VWC2L: variants seen among roughly 807,000 people sequenced by gnomAD.
VWC2L encodes the protein von Willebrand factor C domain containing 2 like.
Under a neutral mutation model 21.6 loss-of-function variants are expected in VWC2L, and 10 were observed. That is an observed-to-expected ratio of 0.46 (90% confidence interval 0.29 to 0.78). The LOEUF (loss-of-function observed/expected upper bound fraction) is 0.78, where lower values mean the gene tolerates loss of function less well. Among genes scored for constraint, VWC2L ranks in the 30% least tolerant of loss-of-function variants. The pLI is 0.10. For missense variants in VWC2L, 209 were observed against 277.1 expected (o/e 0.75, Z 1.74); for synonymous variants, 96 against 94.3 (o/e 1.02, Z -0.10).
At chr2:214,449,723 C>A (rs959976632) in intron 3 of VWC2L, among the ~76,000 whole-genome samples, 3 of 152,088 alleles carry the variant, frequency 2.0e-5, no homozygotes, top group Admixed American at 1.3e-4. Context: ...TGGTTGGATA[C>A]CCCTCAATTG....
Position 214,576,185 on chromosome 2 carries a change from G to A in VWC2L, c.*365G>A, listed in dbSNP as rs1057019468. On this transcript the variant is annotated 3_prime_UTR_variant, in exon 4 of 4. Transcript: ENST00000312504. ...TGGTTTACTTCATTTTTACTCTTCT[G>A]TACATTGTACATGGCATTGTTCTCC... The A allele has an allele frequency of 2.6e-5, 4 of 156,468 alleles. No homozygotes were observed. The highest frequency in any genetic ancestry group is 9.6e-5 in the African/African-American group (4 of 41,510). 9.7% of individuals were successfully genotyped at this position (156,468 alleles called of 1,614,324 possible).
chr2:214,527,650 TGAGCTGGTAA>T (rs1689364226), intron 3 of VWC2L, among the ~76,000 whole-genome samples: 1 of 152,178 alleles, frequency 6.6e-6, no homozygotes, highest in Admixed American at 6.5e-5. Context: ...TCTTACCATC[TGAGCTGGTAA>T]GAGATGGTAA....
At chr2:214,434,605 T>C (rs1169458538) in intron 2 of VWC2L, among the ~76,000 whole-genome samples, 2 of 152,102 alleles carry the variant, frequency 1.3e-5, no homozygotes, top group Non-Finnish European at 2.9e-5. Flanking sequence ...ATTAAACCTT[T>C]CTCAGCCCAT....
At chr2:214,419,273 C>G (rs572899981) in intron 2 of VWC2L, among the ~76,000 whole-genome samples, 1 of 152,226 alleles carries the variant, frequency 6.6e-6, no homozygotes, top group South Asian at 2.1e-4. Context: ...CAATATGACA[C>G]TGGAACCTAC....
intron 2 of VWC2L, among the ~76,000 whole-genome samples, chr2:214,424,205 T>C (rs1447290394): frequency 6.6e-6 from 1 of 152,174 alleles, no homozygotes; most frequent in African/African-American, 2.4e-5. Flanking sequence ...TAATTCAGCC[T>C]TTTCTAGATT....
At chr2:214,431,895 C>G (rs946330297) in intron 2 of VWC2L, among the ~76,000 whole-genome samples, 1 of 152,102 alleles carries the variant, frequency 6.6e-6, no homozygotes, top group Admixed American at 6.5e-5. Flanking sequence ...GCTAGATAAC[C>G]TAGTCAATGG....
chr2:214,472,226 C>G (rs1411407495), intron 3 of VWC2L: 1 of 152,110 alleles, frequency 6.6e-6, no homozygotes, highest in Non-Finnish European at 1.5e-5. Flanking sequence ...GATACACAGC[C>G]AGGCTGAAGC....
chr2:214,566,355 C>G (rs565801224), intron 3 of VWC2L, among the ~76,000 whole-genome samples: 14 of 152,198 alleles, frequency 9.2e-5, no homozygotes, highest in Admixed American at 3.3e-4. Flanking sequence ...GCAGCTTGAC[C>G]ACGTCCTTCC....
chr2:214,553,300 ACAC>A (rs1689823517), intron 3 of VWC2L, among the ~76,000 whole-genome samples: 1 of 152,244 alleles, frequency 6.6e-6, no homozygotes, highest in Non-Finnish European at 1.5e-5. Context: ...ATGGCCTATG[ACAC>A]AGCCCCAGGG....
At chr2:214,491,778 C>T (rs1322348128) in intron 3 of VWC2L, among the ~76,000 whole-genome samples, 1 of 152,072 alleles carries the variant, frequency 6.6e-6, no homozygotes, top group African/African-American at 2.4e-5. Context: ...GGTCAAGTTA[C>T]TTAACCTCCT....
intron 3 of VWC2L, among the ~76,000 whole-genome samples, chr2:214,474,238 A>C (rs976671693): frequency 1.3e-5 from 2 of 152,192 alleles, no homozygotes; most frequent in Non-Finnish European, 2.9e-5. Flanking sequence ...AGTCTATGTC[A>C]CACATAAAAG....
intron 3 of VWC2L, among the ~76,000 whole-genome samples, chr2:214,461,844 A>C (rs1703147220): frequency 2.6e-5 from 4 of 152,198 alleles, no homozygotes; most frequent in Admixed American, 2.6e-4. Flanking sequence ...GGACAGTCGC[A>C]GTGGCTCAGC....
chr2:214,519,107 G>C (rs1382285218), intron 3 of VWC2L, among the ~76,000 whole-genome samples: 1 of 152,184 alleles, frequency 6.6e-6, no homozygotes, highest in Non-Finnish European at 1.5e-5. Flanking sequence ...AAGACATGCT[G>C]CTTTAGTCAT....
At chr2:214,427,158 TACTTC>T (rs1702536340) in intron 2 of VWC2L, among the ~76,000 whole-genome samples, 2 of 152,338 alleles carry the variant, frequency 1.3e-5, no homozygotes, top group African/African-American at 4.8e-5. Flanking sequence ...CACTCTCTAA[TACTTC>T]ACTTATTTTC....
intron 2 of VWC2L, among the ~76,000 whole-genome samples, chr2:214,426,278 A>G (rs1292344129): frequency 1.3e-5 from 2 of 152,044 alleles, no homozygotes; most frequent in Admixed American, 6.6e-5. Context: ...ACAAAATTGG[A>G]ACGTTTGCAA....
chr2:214,449,115 G>C (rs529772170), intron 3 of VWC2L, among the ~76,000 whole-genome samples: 98 of 152,276 alleles, frequency 6.4e-4, no homozygotes, highest in African/African-American at 2.3e-3. Flanking sequence ...AACTAAACTG[G>C]TGTGTTTAAT....
At chr2:214,518,702 C>A (rs1350107446) in intron 3 of VWC2L, among the ~76,000 whole-genome samples, 1 of 152,128 alleles carries the variant, frequency 6.6e-6, no homozygotes, top group Non-Finnish European at 1.5e-5. Flanking sequence ...CCTGGGATTA[C>A]TTTTCTCAGT....
At chr2:214,572,950 A>G (rs1424220985) in intron 3 of VWC2L, among the ~76,000 whole-genome samples, 2 of 152,186 alleles carry the variant, frequency 1.3e-5, no homozygotes, top group Non-Finnish European at 2.9e-5. Context: ...CTGTCAATCA[A>G]TATACAGTCA....
Position 214,578,311 on chromosome 2 carries a change from CGA to C in VWC2L, c.*2495_*2496del, listed in dbSNP as rs1353801041. The C allele has an allele frequency of 1.3e-5, 2 of 152,114 alleles. No individual in the cohort carries two copies. Among genetic ancestry groups the C allele is most frequent in the Non-Finnish European group, 2.9e-5 (2 of 68,010 alleles). The allele number at this position is 152,114 out of a possible 1,614,324, so 9.4% of individuals were successfully genotyped here. ...ATTTTGCATCAAAGCATTGGCACAG[CGA>C]GAGTCACAGCAAGAATTTACTAGAA... On this transcript the variant is annotated 3_prime_UTR_variant, in exon 4 of 4. Coordinates refer to ENST00000312504, the MANE Select transcript of VWC2L (RefSeq NM_001080500.4).
Sources: gnomAD v4.1 joint callset for allele counts (sites outside exome capture counted in the v4.1 genomes callset) on GRCh38, gnomAD v4.1.1 for gene constraint, MANE v1.5 for transcripts, NCBI Gene and HGNC (gene_info 2026-07-23, HGNC 2026-07-21) for gene names.